PITPNM3: variants seen among roughly 807,000 people sequenced by gnomAD.
PITPNM3 encodes membrane-associated phosphatidylinositol transfer protein 3.
A neutral mutation model predicts 102.0 loss-of-function variants in PITPNM3; 26 were observed. That is an observed-to-expected ratio of 0.25 (90% confidence interval 0.19 to 0.35). The LOEUF (loss-of-function observed/expected upper bound fraction) is 0.35, where lower values mean the gene tolerates loss of function less well. PITPNM3 is among the 10% of genes least tolerant of loss of function. The pLI, the probability that PITPNM3 is intolerant of heterozygous loss-of-function variation, is 1.00. For missense variants in PITPNM3, 1,083 were observed against 1,346.1 expected (o/e 0.80, Z 3.06); for synonymous variants, 578 against 558.6 (o/e 1.03, Z -0.49).
intron 4 of PITPNM3, among the ~76,000 whole-genome samples, chr17:6,490,545 G>C (rs1228777521): frequency 6.6e-6 from 1 of 152,194 alleles, no homozygotes; most frequent in Non-Finnish European, 1.5e-5. Context: ...AAAAGCTGCA[G>C]GCGGCAAATT....
intron 3 of PITPNM3, among the ~76,000 whole-genome samples, chr17:6,520,590 A>C (rs1435707851): frequency 6.6e-6 from 1 of 152,212 alleles, no homozygotes; most frequent in Non-Finnish European, 1.5e-5. Context: ...GGAGGTCTGT[A>C]ATTGAAGGAA....
chr17:6,492,886 A>G (rs549562376), intron 4 of PITPNM3, among the ~76,000 whole-genome samples: 1 of 152,116 alleles, frequency 6.6e-6, no homozygotes, highest in South Asian at 2.1e-4. Flanking sequence ...ATAAAATAAA[A>G]ATAAAGTAAG....
chr17:6,487,841 C>T (rs973163205), intron 4 of PITPNM3, among the ~76,000 whole-genome samples: 3 of 152,180 alleles, frequency 2.0e-5, no homozygotes, highest in South Asian at 4.1e-4. Flanking sequence ...TGCCTGGTTC[C>T]GTGGGGATGG....
chr17:6,504,580 C>T (rs1907376648), intron 3 of PITPNM3, among the ~76,000 whole-genome samples: 1 of 152,154 alleles, frequency 6.6e-6, no homozygotes, highest in South Asian at 2.1e-4. Flanking sequence ...GAGGCTGACT[C>T]CATTTTAGGC....
chr17:6,518,451 C>CAAA (rs74413304), intron 3 of PITPNM3, among the ~76,000 whole-genome samples: 2 of 112,792 alleles, frequency 1.8e-5, no homozygotes, highest in African/African-American at 3.1e-5. Flanking sequence ...GGTAAAAAAG[C>CAAA]AAAAAAAAAA....
At chr17:6,483,371 G>T in intron 6 of PITPNM3, 146 bp downstream of exon 6, 1 of 816,372 alleles carries the variant, frequency 1.2e-6, no homozygotes. Context: ...CTTCCACCAG[G>T]GATGCTTGTG....
In PITPNM3 at chr17:6,541,715, T is replaced by C. The variant is rs75676519; in HGVS notation, c.23-3633A>G. Among the ~76,000 whole-genome samples the C allele has an allele frequency of 6.0e-3, 920 of 152,198 alleles. 10 individuals are homozygous for C. The highest frequency in any genetic ancestry group is 0.021 in the African/African-American group (861 of 41,524). On this transcript the variant is annotated intron_variant, in intron 1 of 19. Transcript: ENST00000262483. ...TCCTGAGAGTCACAGCAGGTGGGCA[T>C]GACGACCCCAGAACAGCAAGGGAAA...
intron 10 of PITPNM3, among the ~76,000 whole-genome samples, chr17:6,473,036 C>G (rs7219407): frequency 0.31 from 47,180 of 152,162 alleles, 7,918 homozygotes; most frequent in Middle Eastern, 0.49. Flanking sequence ...TGCAGCCGTG[C>G]TGCACAGCTG....
chr17:6,476,321 GGAA>G (rs1204107899), intron 9 of PITPNM3, among the ~76,000 whole-genome samples: 1 of 152,162 alleles, frequency 6.6e-6, no homozygotes, highest in African/African-American at 2.4e-5. Flanking sequence ...GAGAAAGGAA[GGAA>G]GAAGAGAGCT....
Position 6,459,739 on chromosome 17 carries a change from C to G in PITPNM3, c.2490+1634G>C, listed in dbSNP as rs1597359242. Among the ~76,000 whole-genome samples, 1 of 152,300 alleles carries G rather than the reference C, an allele frequency of 6.6e-6. No individual in the cohort carries two copies. Among genetic ancestry groups the G allele is most frequent in the East Asian group, 1.9e-4 (1 of 5,168 alleles). ...GAGCAGAACGGACAGGCTCTGCCTCCATGGAGACCTTGGTCAGGTGTGTAG... is the reference window on the plus strand; with the variant it reads ...GAGCAGAACGGACAGGCTCTGCCTCGATGGAGACCTTGGTCAGGTGTGTAG... On this transcript the variant is annotated intron_variant, in intron 18 of 19. Transcript: ENST00000262483. This position sits in a 1 kb window ranked among gnomAD's most constrained non-coding sequence, Gnocchi z 5.0.
intron 1 of PITPNM3, among the ~76,000 whole-genome samples, chr17:6,539,942 T>A: frequency 6.6e-6 from 1 of 152,224 alleles, no homozygotes; most frequent in East Asian, 1.9e-4. Context: ...TGAGGATTTA[T>A]CTGGATCCAT....
At position 6,477,147 on chromosome 17, in the gene PITPNM3, T is replaced by A. The variant is rs754069030; in HGVS notation, c.967A>T (p.Ile323Phe). The change falls in exon 9 of 20, where the codon ATT becomes TTT. Residue 323 changes from isoleucine to phenylalanine, a missense_variant. Ile to Phe is a conservative substitution (Grantham distance 21). Around this residue, in one of 5 missense-constraint regions of PITPNM3, gnomAD observed 172 missense variants for 175.6 expected, o/e 0.98. Coordinates refer to ENST00000262483, the MANE Select transcript of PITPNM3 (RefSeq NM_031220.4). ...ASSKRLSKSN[I>F]DISSGLEDEE... ...TCCTCCAACCCACTGGAGATGTCAATGTTGCTTTTGCTGAGACGCTTGCTG... is the reference window on the plus strand; with the variant it reads ...TCCTCCAACCCACTGGAGATGTCAAAGTTGCTTTTGCTGAGACGCTTGCTG... 1 of 1,614,122 alleles carries A rather than the reference T, an allele frequency of 6.2e-7. No individual in the cohort carries two copies. The highest frequency in any genetic ancestry group is 1.1e-5 in the South Asian group (1 of 91,076).
rs1362525966 is a variant in PITPNM3, at chr17:6,503,344, T to C, written c.274+183A>G. ...CAGGAACCCGAGGAGGCTCAGTTCATGGGTTAGAGAGGGCCCAAACTCAGG... is the reference window on the plus strand; with the variant it reads ...CAGGAACCCGAGGAGGCTCAGTTCACGGGTTAGAGAGGGCCCAAACTCAGG... On this transcript the variant is annotated intron_variant, in intron 4 of 19. Coordinates refer to ENST00000262483, the MANE Select transcript of PITPNM3 (RefSeq NM_031220.4). Among the ~76,000 whole-genome samples the C allele has an allele frequency of 3.3e-5, 5 of 152,148 alleles. No homozygotes were observed. The East Asian group carries it at 9.7e-4, about 30-fold the overall frequency.
At chr17:6,531,250 G>C (rs373267061) in intron 2 of PITPNM3, among the ~76,000 whole-genome samples, 1 of 152,178 alleles carries the variant, frequency 6.6e-6, no homozygotes, top group Non-Finnish European at 1.5e-5. Context: ...AGAACACAAA[G>C]TGAGCTAGTC....
At chr17:6,463,417 G>GGGAGGGAGGCAGGGAGGGGA (rs1904577066) in intron 17 of PITPNM3, among the ~76,000 whole-genome samples, 1 of 58,722 alleles carries the variant, frequency 1.7e-5, no homozygotes, top group Non-Finnish European at 4.0e-5. Flanking sequence ...CACGAGTGCA[G>GGGAGGGAGGCAGGGAGGGGA]GGAGGGAGGC....
At position 6,455,491 on chromosome 17, in the gene PITPNM3, G is replaced by C; in HGVS notation, c.2772C>G (p.Arg924=). The C allele has an allele frequency of 1.2e-6, 2 of 1,606,120 alleles. No homozygotes were observed. The highest frequency in any genetic ancestry group is 2.2e-5 in the South Asian group (2 of 91,068). ...CGGGCTGCTGCACTGACATGGTTCT[G>C]CGCAGGTGGTTGCGCTTCCGCAGGA... is the stretch of plus-strand genomic sequence containing the variant. ...PEFLRKRNHL[R]RTMSVQQPDP... Residue 924 remains arginine (R), a synonymous_variant, in exon 20 of 20, where the codon CGC becomes CGG. Transcript: ENST00000262483.
chr17:6,556,345 C>A lies in PITPNM3; in HGVS notation c.22+40G>T. On this transcript the variant is annotated intron_variant, in intron 1 of 19. Coordinates refer to ENST00000262483, the MANE Select transcript of PITPNM3 (RefSeq NM_031220.4). This position sits in a 1 kb window ranked among gnomAD's most constrained non-coding sequence, Gnocchi z 5.2. ...CCTCCTCTAGACGCGCGAGTCCCTC[C>A]CCCGGGCCCCGGCCCTGCCCTCCCC... The A allele has an allele frequency of 7.2e-7, 1 of 1,398,500 alleles. No individual in the cohort carries two copies. The allele number at this position is 1,398,500 out of a possible 1,614,324, so 86.6% of individuals were successfully genotyped here. A position where few individuals can be genotyped will look rare whatever the true frequency, so the allele number is the denominator to read the frequency against.
At position 6,495,899 on chromosome 17, in the gene PITPNM3, C is replaced by T. The variant is rs116425534; in HGVS notation, c.274+7628G>A. On this transcript the variant is annotated intron_variant, in intron 4 of 19. Transcript: ENST00000262483. The stretch of plus-strand genomic sequence containing the variant: ...GACTGTGCAGTGAGGTCTCTCTTTG[C>T]CCCTCCAGAGCCTCAGTGCCCCATC... Among the ~76,000 whole-genome samples the T allele has an allele frequency of 3.5e-3, 533 of 152,296 alleles. 2 individuals are homozygous for T. The highest frequency in any genetic ancestry group is 0.012 in the African/African-American group (501 of 41,552).
At chr17:6,501,670 C>A (rs1188981559) in intron 4 of PITPNM3, among the ~76,000 whole-genome samples, 1 of 152,150 alleles carries the variant, frequency 6.6e-6, no homozygotes. Context: ...CCCACCACCT[C>A]CCTGGGCTCA....
Sources: gnomAD v4.1 joint callset for allele counts (sites outside exome capture counted in the v4.1 genomes callset) on GRCh38, gnomAD v4.1.1 for gene constraint, gnomAD v4.1.1 regional missense constraint, Gnocchi (gnomAD v3.1) non-coding constraint, MANE v1.5 for transcripts, NCBI Gene and HGNC (gene_info 2026-07-23, HGNC 2026-07-21) for gene names.